RBFOX1: variants seen among roughly 807,000 people sequenced by gnomAD.
RBFOX1 encodes the protein RNA binding protein fox-1 homolog 1.
RBFOX1 carries 8 observed loss-of-function variants against 57.7 expected under a neutral mutation model. The ratio of observed to expected loss-of-function variants is 0.14; its 90% CI spans 0.08 to 0.25. The LOEUF is 0.25. Ranked by LOEUF, RBFOX1 falls within the 10% of genes least tolerant of loss-of-function variation. RBFOX1 has a pLI of 1.00. For synonymous variants in RBFOX1, 326 were observed against 222.4 expected, an observed-to-expected ratio of 1.47 and a Z score of -4.15; for missense variants, 611 against 548.5, an observed-to-expected ratio of 1.11 and a Z score of -1.14.
chr16:7,284,254 T>G (rs959235171), intron 4 of RBFOX1, among the ~76,000 whole-genome samples: 2 of 152,252 alleles, frequency 1.3e-5, no homozygotes, highest in East Asian at 3.8e-4. Flanking sequence ...CAGGTAATTC[T>G]GTATAACAAT....
At position 6,507,593 on chromosome 16, in the gene RBFOX1, C is replaced by T. The variant is rs186780059; in HGVS notation, c.-63-147010C>T. Among the ~76,000 whole-genome samples the T allele has an allele frequency of 2.5e-3, 382 of 151,328 alleles. 3 individuals carry two copies. Among genetic ancestry groups the T allele is most frequent in the African/African-American group, 8.4e-3 (348 of 41,244 alleles). On this transcript the variant is annotated intron_variant, in intron 2 of 15. Transcript: ENST00000550418. ...GGCTGAGGTGGGAGGATCACTTGAG[C>T]CCAGGAGGTGGAGGCTGCAGTGAGC...
At chr16:6,660,514 T>G (rs2098694569) in intron 3 of RBFOX1, among the ~76,000 whole-genome samples, 1 of 152,178 alleles carries the variant, frequency 6.6e-6, no homozygotes, top group Non-Finnish European at 1.5e-5. Context: ...GCTCAGAGAT[T>G]CTTACTCCAG....
At chr16:7,345,465 G>C (rs1483868804) in intron 4 of RBFOX1, among the ~76,000 whole-genome samples, 1 of 152,160 alleles carries the variant, frequency 6.6e-6, no homozygotes, top group Admixed American at 6.5e-5. Context: ...TAATGAGCTG[G>C]GTTTTGTTTC....
At chr16:6,388,042 C>T (rs1005009619) in intron 2 of RBFOX1, among the ~76,000 whole-genome samples, 13 of 130,392 alleles carry the variant, frequency 1.0e-4, no homozygotes, top group Admixed American at 2.8e-4. Flanking sequence ...TGCACTGGAA[C>T]GATTTGAGCT....
chr16:5,565,627 C>CATAAATAAATAAATAAATAA (rs55680549), intron 2 of RBFOX1, among the ~76,000 whole-genome samples: 3 of 142,756 alleles, frequency 2.1e-5, no homozygotes, highest in East Asian at 2.1e-4. Flanking sequence ...CTCTGCCTTA[C>CATAAATAAATAAATAAATAA]ATAAATAAAT....
intron 3 of RBFOX1, among the ~76,000 whole-genome samples, chr16:5,744,722 T>G (rs1032066986): frequency 6.6e-6 from 1 of 152,188 alleles, no homozygotes; most frequent in Non-Finnish European, 1.5e-5. Context: ...GTGGTCATTT[T>G]CTTGTGATTA....
chr16:5,836,355 C>G (rs927039297), intron 3 of RBFOX1, among the ~76,000 whole-genome samples: 3 of 152,138 alleles, frequency 2.0e-5, no homozygotes, highest in Admixed American at 6.5e-5. Flanking sequence ...TGGGGTAGTT[C>G]TGAGGCAGAG....
At chr16:6,521,844 G>C (rs1429568891) in intron 2 of RBFOX1, among the ~76,000 whole-genome samples, 3 of 152,112 alleles carry the variant, frequency 2.0e-5, no homozygotes, top group African/African-American at 7.2e-5. Context: ...GGAAGGCTTA[G>C]AGTTAGGACT....
chr16:7,521,304 A>G (rs1369103468), intron 5 of RBFOX1, among the ~76,000 whole-genome samples: 1 of 152,216 alleles, frequency 6.6e-6, no homozygotes, highest in African/African-American at 2.4e-5. Flanking sequence ...AGGAATTAGC[A>G]GGGATTTGAC....
chr16:7,406,347 G>T (rs932712631), intron 4 of RBFOX1, among the ~76,000 whole-genome samples: 2 of 152,198 alleles, frequency 1.3e-5, no homozygotes, highest in African/African-American at 4.8e-5. Flanking sequence ...CTGCGTTATA[G>T]AAGAGTAAAC....
chr16:6,304,708 C>T (rs552681987), intron 1 of RBFOX1, among the ~76,000 whole-genome samples: 25 of 151,920 alleles, frequency 1.6e-4, no homozygotes, highest in Admixed American at 1.5e-3. Context: ...CATGGTGAAA[C>T]CCTGTCTCTC....
At chr16:7,334,524 A>G (rs991799550) in intron 4 of RBFOX1, among the ~76,000 whole-genome samples, 6 of 152,100 alleles carry the variant, frequency 3.9e-5, no homozygotes, top group African/African-American at 1.2e-4. Flanking sequence ...CCTTCACTCT[A>G]TGCTGATTGA....
chr16:5,605,987 C>A (rs1029941357), intron 3 of RBFOX1, among the ~76,000 whole-genome samples: 1 of 152,146 alleles, frequency 6.6e-6, no homozygotes. Flanking sequence ...ACAGGCATAG[C>A]TTTCCTCCCT....
chr16:5,260,062 A>G (rs1196978734), intron 1 of RBFOX1, among the ~76,000 whole-genome samples: 1 of 152,154 alleles, frequency 6.6e-6, no homozygotes, highest in African/African-American at 2.4e-5. Context: ...TTAGTCAGGC[A>G]TGATGGTGCA....
intron 4 of RBFOX1, among the ~76,000 whole-genome samples, chr16:7,053,948 T>C (rs1343639977): frequency 6.6e-6 from 1 of 152,090 alleles, no homozygotes; most frequent in Non-Finnish European, 1.5e-5. Flanking sequence ...AAAATTTAAA[T>C]AGTACCAAAG....
chr16:5,424,983 C>CT lies in RBFOX1; in HGVS notation c.220-42229dup, dbSNP rs761126588. 1.2e-4 allele frequency among the ~76,000 whole-genome samples: 3 copies of CT among 25,570 alleles called. 1 individual carries two copies. The highest frequency in any genetic ancestry group is 5.4e-4 in the Admixed American group (1 of 1,854). The allele number at this position is 25,570 out of a possible 152,430, so 16.8% of individuals were successfully genotyped here. On this transcript the variant is annotated intron_variant, in intron 1 of 2. Transcript: ENST00000585867. ...TTCTTTCTCTTTCTTTCTTTCTTTT[C>CT]TTTTCTTTTCTTTTCTTTTCTTTTC...
At chr16:5,506,531 C>A (rs2043385714) in intron 2 of RBFOX1, among the ~76,000 whole-genome samples, 1 of 152,206 alleles carries the variant, frequency 6.6e-6, no homozygotes, top group African/African-American at 2.4e-5. Flanking sequence ...CTTCTGCTCA[C>A]CCTGCAGCTG....
intron 4 of RBFOX1, among the ~76,000 whole-genome samples, chr16:7,159,491 A>G (rs1028311782): frequency 2.0e-5 from 3 of 152,194 alleles, no homozygotes; most frequent in Middle Eastern, 3.2e-3. Flanking sequence ...TAAGGGGACT[A>G]GTGATAGGCT....
chr16:7,512,225 C>G (rs1433042783), intron 4 of RBFOX1, among the ~76,000 whole-genome samples: 1 of 152,184 alleles, frequency 6.6e-6, no homozygotes, highest in Non-Finnish European at 1.5e-5. Context: ...ATGAAGTTGG[C>G]TTCAGCTTCC....
Sources: allele counts gnomAD v4.1 joint callset (sites outside exome capture counted in the v4.1 genomes callset), GRCh38; gene constraint gnomAD v4.1.1; transcripts MANE v1.5; gene names NCBI Gene and HGNC (gene_info 2026-07-23, HGNC 2026-07-21).